The following TSC1 variants were observed in gnomAD, a reference collection of about 807,000 sequenced individuals.
The protein encoded by TSC1 is TSC complex subunit 1.
TSC1 carries 20 observed loss-of-function variants against 124.3 expected under a neutral mutation model. That is an observed-to-expected ratio of 0.16 (90% CI 0.11 to 0.23). The LOEUF is 0.23. TSC1 is among the 10% of genes least tolerant of loss of function. The pLI, the probability that TSC1 is intolerant of heterozygous loss-of-function variation, is 1.00. For synonymous variants in TSC1, 493 were observed against 539.1 expected (o/e 0.91, Z 1.19); for missense variants, 1,124 against 1,448.5 (o/e 0.78, Z 3.64).
rs570705364 is a variant in TSC1, at chr9:132,928,883, G to A, written c.-11C>T. On this transcript the variant is annotated 5_prime_UTR_variant, in exon 3 of 23. Transcript: ENST00000298552. ...TGCTTGTTGGGCCATTCTCTCGCTCGAAGGCGCTGTGCTGGCTCCAGGACG... is the reference window on the plus strand; with the variant it reads ...TGCTTGTTGGGCCATTCTCTCGCTCAAAGGCGCTGTGCTGGCTCCAGGACG... 14 of 1,613,966 alleles carry A rather than the reference G, an allele frequency of 8.7e-6. No individual in the cohort carries two copies. The highest frequency in any genetic ancestry group is 6.7e-5 in the African/African-American group (5 of 75,050).
chr9:132,927,537 T>TTTC (rs1396800862), intron 3 of TSC1, among the ~76,000 whole-genome samples: 1 of 146,536 alleles, frequency 6.8e-6, no homozygotes, highest in African/African-American at 2.5e-5. Context: ...TTTTTTTTTT[T>TTTC]TTTTGAGATG....
rs780338343 is a variant in TSC1 at position 132,905,927 on chromosome 9, C to T, written c.1651G>A (p.Ala551Thr). The T allele has an allele frequency of 6.2e-7, 1 of 1,613,580 alleles. No individual in the cohort carries two copies. Among genetic ancestry groups the T allele is most frequent in the South Asian group, 1.1e-5 (1 of 91,082 alleles). ...CAGGGCAGGTCTATGGGAGTAAAGG[C>T]TTGCTTTGGTGTGTCAGGCCCAAGC... Reference protein sequence around the residue: ...DKLGPDTPKQAFTPIDLPCGS... With the variant: ...DKLGPDTPKQTFTPIDLPCGS... Residue 551 changes from alanine (A) to threonine (T), a missense_variant, in exon 15 of 23, where the codon GCC becomes ACC. Physicochemically the swap from Ala to Thr is moderately conservative, Grantham distance 58. Transcript: ENST00000298552.
chr9:132,932,150 T>C (rs564788798), intron 2 of TSC1, among the ~76,000 whole-genome samples: 137 of 152,354 alleles, frequency 9.0e-4, no homozygotes, highest in African/African-American at 3.0e-3. Flanking sequence ...TTTAGTTTAA[T>C]ATTATCTTTA....
At chr9:132,907,160 C>T in intron 13 of TSC1, 141 bp downstream of exon 13, 1 of 753,122 alleles carries the variant, frequency 1.3e-6, no homozygotes, top group Non-Finnish European at 2.3e-6. Context: ...GTTTAGAATT[C>T]ACTACTCGTT....
chr9:132,897,719 A>C, intron 20 of TSC1, 109 bp from the exon 21 acceptor site: 1 of 1,416,828 alleles, frequency 7.1e-7, no homozygotes, highest in Non-Finnish European at 9.5e-7. Context: ...ATTTTAGTAT[A>C]CTGATAACAG....
chr9:132,932,332 CTT>C (rs1847246177), intron 2 of TSC1, among the ~76,000 whole-genome samples: 1 of 152,148 alleles, frequency 6.6e-6, no homozygotes, highest in African/African-American at 2.4e-5. Flanking sequence ...CTCCTTGACT[CTT>C]TCACCACCCC....
At chr9:132,924,769 T>C (rs1404372536) in intron 5 of TSC1, 1 of 152,228 alleles carries the variant, frequency 6.6e-6, no homozygotes, top group East Asian at 1.9e-4. Context: ...CTGAATTAAA[T>C]GCATGTTTTT....
rs576342925 is a variant in TSC1 at position 132,891,447 on chromosome 9, T to G, written c.*4788A>C. The G allele has an allele frequency of 2.3e-4, 53 of 233,538 alleles. No individual in the cohort carries two copies. Among genetic ancestry groups the G allele is most frequent in the Admixed American group, 2.8e-4 (5 of 17,800 alleles). 14.5% of individuals were successfully genotyped at this position (233,538 alleles called of 1,614,324 possible). A position where few individuals can be genotyped will look rare whatever the true frequency, so the allele number is the denominator to read the frequency against. On this transcript the variant is annotated 3_prime_UTR_variant, in exon 23 of 23. Coordinates refer to ENST00000298552, the MANE Select transcript of TSC1 (RefSeq NM_000368.5). ...AAGAAGGACAGCAAACTCTTTTGATTCCAATTCCCATTCACTAAGATTGTA... is the reference window on the plus strand; with the variant it reads ...AAGAAGGACAGCAAACTCTTTTGATGCCAATTCCCATTCACTAAGATTGTA...
In TSC1 at chr9:132,895,558, C is replaced by G. The variant is rs189890583; in HGVS notation, c.*677G>C. 106 of 234,480 alleles carry G rather than the reference C, an allele frequency of 4.5e-4. 1 individual carries two copies. The Admixed American group carries it at 5.7e-3, about 13-fold the overall frequency. 14.5% of individuals were successfully genotyped at this position (234,480 alleles called of 1,614,324 possible). On this transcript the variant is annotated 3_prime_UTR_variant, in exon 23 of 23. Transcript: ENST00000298552. ...AGAGCTTTCCCAAAGGGTGTGTGGT[C>G]TCCACAGTGCCAGCTCCAGATTTCT...
chr9:132,913,874 G>A (rs1258158919), intron 8 of TSC1, among the ~76,000 whole-genome samples: 1 of 138,798 alleles, frequency 7.2e-6, no homozygotes, highest in Non-Finnish European at 1.5e-5. Context: ...CCTCCCATGG[G>A]TTTTTTGTTT....
rs768518987 is a variant in TSC1 at position 132,892,551 on chromosome 9, G to A, written c.*3684C>T. On this transcript the variant is annotated 3_prime_UTR_variant, in exon 23 of 23. Coordinates refer to ENST00000298552, the MANE Select transcript of TSC1 (RefSeq NM_000368.5). Reference sequence around the variant, plus strand: ...CCAAGAGTATCCGCAGGAGGTGGGCGGCACCCCATCTCACCAAGGTCCTGG... The same window carrying A: ...CCAAGAGTATCCGCAGGAGGTGGGCAGCACCCCATCTCACCAAGGTCCTGG... The A allele has an allele frequency of 5.1e-5, 12 of 233,298 alleles. No homozygotes were observed. The highest frequency in any genetic ancestry group is 8.5e-5 in the Non-Finnish European group (10 of 118,182). The allele number at this position is 233,298 out of a possible 1,614,324, so 14.5% of individuals were successfully genotyped here. A position where few individuals can be genotyped will look rare whatever the true frequency, so the allele number is the denominator to read the frequency against.
chr9:132,945,370 C>G (rs1327141651), upstream of TSC1: 1 of 152,288 alleles, frequency 6.6e-6, no homozygotes, highest in Non-Finnish European at 1.5e-5. Context: ...AAAATCAGAA[C>G]GCCTTATTCC....
chr9:132,921,474 T>C lies in TSC1; in HGVS notation c.664-38A>G, dbSNP rs1166263196. The C allele has an allele frequency of 3.1e-6, 5 of 1,605,916 alleles. No homozygotes were observed. The African/African-American group carries it at 6.7e-5, about 21-fold the overall frequency. ...GGTTGACAAATTATAAAGGGCTGAATGTTTGTGGAACATCCAAATGATGGA... is the reference window on the plus strand; with the variant it reads ...GGTTGACAAATTATAAAGGGCTGAACGTTTGTGGAACATCCAAATGATGGA... On this transcript the variant is annotated intron_variant, in intron 7 of 22. Coordinates refer to ENST00000298552, the MANE Select transcript of TSC1 (RefSeq NM_000368.5). The surrounding 1 kb of genome is among the most constrained non-coding windows in gnomAD (Gnocchi z 4.3).
intron 15 of TSC1, 95 bp downstream of exon 15, chr9:132,905,486 A>C: frequency 6.4e-7 from 1 of 1,553,612 alleles, no homozygotes; most frequent in Non-Finnish European, 8.8e-7. Context: ...TCAAGGTGGG[A>C]GTGTGAAGAA....
intron 4 of TSC1, 33 bp from the exon 5 acceptor site, chr9:132,925,772 C>T (rs770131985): frequency 6.2e-6 from 10 of 1,613,726 alleles, no homozygotes; most frequent in Middle Eastern, 1.6e-4. Flanking sequence ...GCAGTCCTCA[C>T]ATGAATGTAT....
rs1588321365 is a variant in TSC1 at position 132,910,601 on chromosome 9, G to A, written c.1233C>T (p.Leu411=). ...TGGGGGGTGTGACTGTGGCCTGGGG[G>A]AGTGAAATGTGCACGTAGTCATCCG... ...CHSDDYVHIS[L]PQATVTPPRK... Residue 411 remains leucine (L), a synonymous_variant, in exon 12 of 23, where the codon CTC becomes CTT. Transcript: ENST00000298552. The A allele has an allele frequency of 1.9e-6, 3 of 1,614,024 alleles. No individual in the cohort carries two copies. The highest frequency in any genetic ancestry group is 3.3e-5 in the Admixed American group (2 of 60,002).
At chr9:132,912,058 ACT>A (rs1330741958) in intron 9 of TSC1, among the ~76,000 whole-genome samples, 1 of 152,146 alleles carries the variant, frequency 6.6e-6, no homozygotes, top group African/African-American at 2.4e-5. Context: ...CACGTCACCA[ACT>A]CTGTTGGCAT....
Position 132,923,749 on chromosome 9 carries a change from C to T in TSC1, c.364-257G>A, listed in dbSNP as rs536547910. 63 of 473,908 alleles carry T rather than the reference C, an allele frequency of 1.3e-4. No homozygotes were observed. Among genetic ancestry groups the T allele is most frequent in the Non-Finnish European group, 5.4e-5 (14 of 260,668 alleles). The allele number at this position is 473,908 out of a possible 1,614,324, so 29.4% of individuals were successfully genotyped here. A position where few individuals can be genotyped will look rare whatever the true frequency, so the allele number is the denominator to read the frequency against. On this transcript the variant is annotated intron_variant, in intron 5 of 22. Coordinates refer to ENST00000298552, the MANE Select transcript of TSC1 (RefSeq NM_000368.5). The surrounding 1 kb of genome is among the most constrained non-coding windows in gnomAD (Gnocchi z 4.2). Reference sequence around the variant, plus strand: ...CACCTATGCAAAGGCATCCGGGAGACGAGTTCAAACTTGACTTGGGGACAC... The same window carrying T: ...CACCTATGCAAAGGCATCCGGGAGATGAGTTCAAACTTGACTTGGGGACAC...
rs1404828446 is a variant in TSC1, at chr9:132,905,577, T to C, written c.1997+4A>G. 1 of 1,613,828 alleles carries C rather than the reference T, an allele frequency of 6.2e-7. No individual in the cohort carries two copies. The highest frequency in any genetic ancestry group is 8.5e-7 in the Non-Finnish European group (1 of 1,180,042). On this transcript the variant is annotated splice_donor_region_variant and intron_variant, in intron 15 of 22. Transcript: ENST00000298552. Reference sequence around the variant, plus strand: ...ACACAGAAGAGAGTGCCCCAGTCCCTTACTTGTTCAGCTCCTTGCTGTGCG... The same window carrying C: ...ACACAGAAGAGAGTGCCCCAGTCCCCTACTTGTTCAGCTCCTTGCTGTGCG...
Sources: gnomAD v4.1 joint callset for allele counts (sites outside exome capture counted in the v4.1 genomes callset) on GRCh38, gnomAD v4.1.1 for gene constraint, Gnocchi (gnomAD v3.1) non-coding constraint, MANE v1.5 for transcripts, NCBI Gene and HGNC (gene_info 2026-07-23, HGNC 2026-07-21) for gene names.